The following ZFR2 variants were observed in gnomAD, a reference collection of about 807,000 sequenced individuals.
ZFR2 encodes zinc finger RNA binding protein 2.
ZFR2 carries 104 observed loss-of-function variants against 105.7 expected under a neutral mutation model. That is an observed-to-expected ratio of 0.98 (90% confidence interval 0.84 to 1.16). ZFR2 has a LOEUF of 1.16. Ranked by LOEUF, ZFR2 falls within the 50% of genes most tolerant of loss-of-function variation. The pLI is 0.00. For synonymous variants in ZFR2, 634 were observed against 597.7 expected (o/e 1.06, Z -0.89); for missense variants, 1,425 against 1,355.5 (o/e 1.05, Z -0.80).
chr19:3,848,766 C>T (rs1239602403), intron 1 of ZFR2, among the ~76,000 whole-genome samples: 4 of 151,700 alleles, frequency 2.6e-5, no homozygotes, highest in African/African-American at 4.8e-5. Flanking sequence ...CTGAGGTGGG[C>T]GGATCACGAG....
At chr19:3,809,315 C>T (rs2037736683) in intron 16 of ZFR2, among the ~76,000 whole-genome samples, 1 of 152,164 alleles carries the variant, frequency 6.6e-6, no homozygotes, top group South Asian at 2.1e-4. Flanking sequence ...CTGGTTTCTT[C>T]ACCCCTCTGA....
intron 1 of ZFR2, among the ~76,000 whole-genome samples, chr19:3,844,812 C>T (rs932374920): frequency 2.6e-5 from 4 of 152,176 alleles, no homozygotes; most frequent in Non-Finnish European, 2.9e-5. Context: ...GAGGCCTCCA[C>T]GTGGGAAGGA....
chr19:3,829,557 G>A (rs1014373505), intron 5 of ZFR2, among the ~76,000 whole-genome samples: 5 of 151,690 alleles, frequency 3.3e-5, no homozygotes, highest in African/African-American at 1.2e-4. Flanking sequence ...CTGTCGCCCA[G>A]GCTGGGGTGC....
At chr19:3,862,228 CAG>C (rs1173732954) in intron 1 of ZFR2, among the ~76,000 whole-genome samples, 1 of 152,200 alleles carries the variant, frequency 6.6e-6, no homozygotes, top group African/African-American at 2.4e-5. Context: ...AATCCAGAAA[CAG>C]AGAATATGTT....
intron 1 of ZFR2, among the ~76,000 whole-genome samples, chr19:3,860,508 G>A (rs775453971): frequency 2.6e-5 from 4 of 152,128 alleles, no homozygotes; most frequent in African/African-American, 7.2e-5. Flanking sequence ...CGAGTTTCCC[G>A]AGCCTCGGGG....
chr19:3,821,612 T>C (rs1284699591), intron 9 of ZFR2, 133 bp from the exon 10 acceptor site: 5 of 403,552 alleles, frequency 1.2e-5, no homozygotes, highest in Non-Finnish European at 1.7e-5. Flanking sequence ...GCCTTTTTTT[T>C]TTTTTTTTTT....
intron 1 of ZFR2, among the ~76,000 whole-genome samples, chr19:3,863,401 A>G (rs2038394661): frequency 6.6e-6 from 1 of 151,992 alleles, no homozygotes; most frequent in African/African-American, 2.4e-5. Context: ...TGCTGTCTCA[A>G]TGTCCCCACT....
chr19:3,821,993 C>CGG, intron 9 of ZFR2, 88 bp downstream of exon 9: 1 of 1,480,648 alleles, frequency 6.8e-7, no homozygotes, highest in Non-Finnish European at 9.0e-7. Flanking sequence ...ATCACACGCG[C>CGG]GGAAGAGGCC....
intron 1 of ZFR2, among the ~76,000 whole-genome samples, chr19:3,850,943 TG>T (rs1178705277): frequency 1.4e-5 from 2 of 142,712 alleles, no homozygotes; most frequent in African/African-American, 5.3e-5. Flanking sequence ...GCAGTGCACA[TG>T]GACAGAGAAA....
chr19:3,831,534 G>A lies in ZFR2; in HGVS notation c.621C>T (p.Asp207=), dbSNP rs180791600. The A allele has an allele frequency of 3.5e-5, 55 of 1,561,226 alleles. No homozygotes were observed. Among genetic ancestry groups the A allele is most frequent in the Admixed American group, 2.1e-4 (11 of 51,824 alleles). Reference sequence around the variant, plus strand: ...GGCTGGCAGCGGAGTACACCGACGCGTCATAGTTCGGGTAGCTTGGTGCTG... The same window carrying A: ...GGCTGGCAGCGGAGTACACCGACGCATCATAGTTCGGGTAGCTTGGTGCTG... The part of the protein sequence containing the change: ...AYTAPSYPNY[D]ASVYSAASPF... Residue 207 remains aspartate (D), a synonymous_variant, in exon 5 of 19, where the codon GAC becomes GAT. Coordinates refer to ENST00000262961, the MANE Select transcript of ZFR2 (RefSeq NM_015174.2).
At chr19:3,855,642 G>C (rs1040877004) in intron 1 of ZFR2, 3 of 405,856 alleles carry the variant, frequency 7.4e-6, no homozygotes, top group Non-Finnish European at 1.3e-5. Flanking sequence ...GGAAGGACGC[G>C]GCAAGGGGGT....
chr19:3,831,598 T>C, intron 4 of ZFR2, 42 bp from the exon 5 acceptor site: 1 of 1,532,466 alleles, frequency 6.5e-7, no homozygotes, highest in Non-Finnish European at 8.8e-7. Flanking sequence ...GAGATGCTGA[T>C]TCCACTGAGT....
chr19:3,867,312 G>GGGA (rs374393042), intron 1 of ZFR2, among the ~76,000 whole-genome samples: 3 of 150,988 alleles, frequency 2.0e-5, no homozygotes, highest in Non-Finnish European at 3.0e-5. Flanking sequence ...GTTGGGGGGG[G>GGGA]AATCTGGTCC....
At chr19:3,847,394 C>T (rs1192099414) in intron 1 of ZFR2, among the ~76,000 whole-genome samples, 1 of 152,016 alleles carries the variant, frequency 6.6e-6, no homozygotes, top group Non-Finnish European at 1.5e-5. Context: ...TGTGGTGGCA[C>T]GTGCCTGTAA....
At chr19:3,821,312 C>A in intron 10 of ZFR2, 28 bp downstream of exon 10, 1 of 1,548,158 alleles carries the variant, frequency 6.5e-7, no homozygotes, top group Non-Finnish European at 8.7e-7. Context: ...CTCACCAGGC[C>A]CCCTTGCCAA....
Position 3,834,304 on chromosome 19 carries a change from GA to G in ZFR2, c.264+468del, listed in dbSNP as rs1236288566. ...TCTGCAGCCTGAGTGCCTCGGTTGG[GA>G]AGGTGAGGTCGTCAGCACCCAGGTG... On this transcript the variant is annotated intron_variant, in intron 2 of 18. Coordinates refer to ENST00000262961, the MANE Select transcript of ZFR2 (RefSeq NM_015174.2). The surrounding 1 kb of genome is among the most constrained non-coding windows in gnomAD (Gnocchi z 5.3). Among the ~76,000 whole-genome samples, 2 of 151,678 alleles carry G rather than the reference GA, an allele frequency of 1.3e-5. No homozygotes were observed. The highest frequency in any genetic ancestry group is 1.3e-4 in the Admixed American group (2 of 15,124).
At chr19:3,828,398 A>G (rs960538879) in intron 5 of ZFR2, among the ~76,000 whole-genome samples, 2 of 152,194 alleles carry the variant, frequency 1.3e-5, no homozygotes, top group African/African-American at 4.8e-5. Flanking sequence ...CTGGAATTCA[A>G]GGAGTTTCTT....
At chr19:3,833,842 C>T (rs1599238728) in intron 2 of ZFR2, 64 bp from the exon 3 acceptor site, 10 of 1,285,816 alleles carry the variant, frequency 7.8e-6, no homozygotes, top group African/African-American at 2.9e-5. Flanking sequence ...GCGGTGGGTG[C>T]GACGCGCCCT....
chr19:3,843,371 T>C (rs1163463130), intron 1 of ZFR2, among the ~76,000 whole-genome samples: 1 of 151,908 alleles, frequency 6.6e-6, no homozygotes, highest in African/African-American at 2.4e-5. Context: ...CTCAAGAGGC[T>C]GAGCTGGGAG....
Sources: allele counts gnomAD v4.1 joint callset (sites outside exome capture counted in the v4.1 genomes callset), GRCh38; gene constraint gnomAD v4.1.1; non-coding constraint Gnocchi (gnomAD v3.1); transcripts MANE v1.5; gene names NCBI Gene and HGNC (gene_info 2026-07-23, HGNC 2026-07-21).